TNNI3K: variants seen among roughly 807,000 people sequenced by gnomAD.
TNNI3K encodes the protein TNNI3 interacting kinase, also known as serine/threonine-protein kinase TNNI3K.
TNNI3K carries 140 observed loss-of-function variants against 114.5 expected under a neutral mutation model. The observed-to-expected ratio is 1.22, with a 90% confidence interval of 1.07 to 1.41. The LOEUF is 1.41. Among genes scored for constraint, TNNI3K ranks in the 40% most tolerant of loss-of-function variants. The pLI is 0.00. For missense variants in TNNI3K, 1,125 were observed against 1,007.6 expected (o/e 1.12, Z -1.58); for synonymous variants, 347 against 347.5 (o/e 1.00, Z 0.02).
chr1:74,451,702 T>TCTTC (rs1474328694), intron 20 of TNNI3K, among the ~76,000 whole-genome samples: 5 of 66,586 alleles, frequency 7.5e-5, no homozygotes, highest in African/African-American at 3.4e-4. Flanking sequence ...TTTCTTTCTT[T>TCTTC]CTTTCTTTCT....
intron 21 of TNNI3K, chr1:74,480,180 C>T: frequency 2.8e-6 from 2 of 717,292 alleles, no homozygotes; most frequent in Admixed American, 2.0e-5. Flanking sequence ...GTCAGCAGGG[C>T]CACATCTGGT....
chr1:74,364,784 G>A (rs1013863564), intron 11 of TNNI3K, among the ~76,000 whole-genome samples: 4 of 151,260 alleles, frequency 2.6e-5, no homozygotes, highest in African/African-American at 9.8e-5. Context: ...ATAGGAAGGG[G>A]GCTACAAGCC....
chr1:74,475,837 A>G (rs753328882), intron 21 of TNNI3K: 1 of 550,374 alleles, frequency 1.8e-6, no homozygotes, highest in Non-Finnish European at 3.3e-6. Flanking sequence ...GACCATTAAA[A>G]GATAACATCT....
chr1:74,278,436 A>G (rs890316277), intron 5 of TNNI3K, among the ~76,000 whole-genome samples: 7 of 152,206 alleles, frequency 4.6e-5, no homozygotes, highest in African/African-American at 1.7e-4. Flanking sequence ...TGGACATGAT[A>G]CACAGAAGCT....
chr1:74,411,136 TC>T (rs1664859252), intron 17 of TNNI3K, among the ~76,000 whole-genome samples: 1 of 152,178 alleles, frequency 6.6e-6, no homozygotes, highest in African/African-American at 2.4e-5. Flanking sequence ...TTTTATCAGC[TC>T]CCAGGCTTTT....
intron 17 of TNNI3K, among the ~76,000 whole-genome samples, chr1:74,391,957 A>ATTATTTTTTTTTTTTTTTTT (rs1369570973): frequency 2.8e-4 from 26 of 93,030 alleles, no homozygotes; most frequent in Admixed American, 6.1e-4. Context: ...ACAGCTTATT[A>ATTATTTTTTTTTTTTTTTTT]TTTTTTTTTT....
chr1:74,480,367 T>C, intron 21 of TNNI3K: 1 of 717,690 alleles, frequency 1.4e-6, no homozygotes. Flanking sequence ...TAATGTAGTT[T>C]CTTAAAAACC....
intron 4 of TNNI3K, among the ~76,000 whole-genome samples, chr1:74,255,050 A>G (rs2100857717): frequency 6.6e-6 from 1 of 152,348 alleles, no homozygotes; most frequent in South Asian, 2.1e-4. Flanking sequence ...GGGTCTGTTC[A>G]GTAAACATTA....
chr1:74,401,315 T>C (rs1664351453), intron 17 of TNNI3K, among the ~76,000 whole-genome samples: 1 of 152,224 alleles, frequency 6.6e-6, no homozygotes, highest in African/African-American at 2.4e-5. Flanking sequence ...TTTTAATGCA[T>C]TCACAGTGGG....
chr1:74,235,887 A>G (rs991915427), intron 1 of TNNI3K, among the ~76,000 whole-genome samples: 1 of 151,648 alleles, frequency 6.6e-6, no homozygotes, highest in Non-Finnish European at 1.5e-5. Context: ...ATGTAAATAT[A>G]TTATCCAATA....
intron 5 of TNNI3K, among the ~76,000 whole-genome samples, chr1:74,312,944 C>G (rs555985354): frequency 2.0e-5 from 3 of 152,180 alleles, no homozygotes; most frequent in Non-Finnish European, 4.4e-5. Context: ...ATGCGGCCAC[C>G]TGAGCTCCCA....
At chr1:74,400,573 G>A (rs1037946487) in intron 17 of TNNI3K, among the ~76,000 whole-genome samples, 1 of 152,162 alleles carries the variant, frequency 6.6e-6, no homozygotes, top group African/African-American at 2.4e-5. Flanking sequence ...GATGCATGGG[G>A]AAATGAGACT....
chr1:74,307,276 C>T (rs1381444179), intron 5 of TNNI3K, among the ~76,000 whole-genome samples: 3 of 152,078 alleles, frequency 2.0e-5, no homozygotes, highest in Admixed American at 2.0e-4. Context: ...TCTTACATAT[C>T]AATATTAACT....
At chr1:74,401,912 G>A (rs771042247) in intron 17 of TNNI3K, 1 of 452,310 alleles carries the variant, frequency 2.2e-6, no homozygotes, top group Non-Finnish European at 4.4e-6. Context: ...CTTTAACAGG[G>A]AAGAATGCAA....
Position 74,303,174 on chromosome 1 carries a change from A to G in TNNI3K, c.445-28276A>G, listed in dbSNP as rs148864340. 7.9e-5 allele frequency among the ~76,000 whole-genome samples: 12 copies of G among 152,270 alleles called. No homozygotes were observed. The East Asian group carries it at 2.3e-3, about 29-fold the overall frequency. The stretch of plus-strand genomic sequence containing the variant: ...GGATGACAGCCCATCTGTTTACAGC[A>G]TGGTATACTGAATTATTATTATTAT... On this transcript the variant is annotated intron_variant, in intron 5 of 24. Transcript: ENST00000326637.
chr1:74,272,653 T>G (rs1423599137), intron 5 of TNNI3K, among the ~76,000 whole-genome samples: 1 of 151,816 alleles, frequency 6.6e-6, no homozygotes, highest in Non-Finnish European at 1.5e-5. Flanking sequence ...AATCACACAG[T>G]GTTTTAAAGG....
chr1:74,451,683 T>TTTTCTTTTCTTTTCTTTTCTTTTCTTTC (rs1553148031), intron 20 of TNNI3K, among the ~76,000 whole-genome samples: 1 of 76,216 alleles, frequency 1.3e-5, no homozygotes, highest in African/African-American at 4.1e-5. Context: ...TTTTCTTTTC[T>TTTTCTTTTCTTTTCTTTTCTTTTCTTTC]TTTCTTTCTT....
intron 17 of TNNI3K, chr1:74,418,116 G>C (rs189488841): frequency 4.4e-4 from 197 of 446,898 alleles, no homozygotes; most frequent in Admixed American, 1.3e-3. Flanking sequence ...ATGGGACTGT[G>C]GGAAGTCTTC....
chr1:74,408,223 G>A (rs1361671947), intron 17 of TNNI3K, among the ~76,000 whole-genome samples: 1 of 152,122 alleles, frequency 6.6e-6, no homozygotes, highest in Non-Finnish European at 1.5e-5. Flanking sequence ...ATGCCAAACC[G>A]ATGACAATTT....
Sources: gnomAD v4.1 joint callset for allele counts (sites outside exome capture counted in the v4.1 genomes callset) on GRCh38, gnomAD v4.1.1 for gene constraint, MANE v1.5 for transcripts, NCBI Gene and HGNC (gene_info 2026-07-23, HGNC 2026-07-21) for gene names.